Variants in CCDC148 observed in about 807,000 individuals in gnomAD.
CCDC148 encodes coiled-coil domain-containing protein 148.
In CCDC148, 89 loss-of-function variants were observed where a neutral mutation model predicts 85.7. That is an observed-to-expected ratio of 1.04 (90% confidence interval 0.87 to 1.24). The LOEUF is 1.24. Ranked by LOEUF, CCDC148 falls within the 50% of genes most tolerant of loss-of-function variation. The probability of loss-of-function intolerance (pLI) is 0.00; values close to 1 mark genes in which losing one functional copy is unlikely to be tolerated. For missense variants in CCDC148, 692 were observed against 671.7 expected, an observed-to-expected ratio of 1.03 and a Z score of -0.33; for synonymous variants, 230 against 213.9, an observed-to-expected ratio of 1.08 and a Z score of -0.66.
Position 158,313,769 on chromosome 2 carries a change from G to A in CCDC148, c.890C>T (p.Ser297Phe). 1 of 1,613,682 alleles carries A rather than the reference G, an allele frequency of 6.2e-7. No homozygotes were observed. The highest frequency in any genetic ancestry group is 1.3e-5 in the African/African-American group (1 of 75,024). The change falls in exon 8 of 14, where the codon TCT becomes TTT. Residue 297 changes from serine to phenylalanine, a missense_variant. Physicochemically the swap from Ser to Phe is radical, Grantham distance 155 (BLOSUM62 -2). Coordinates refer to ENST00000283233, the MANE Select transcript of CCDC148 (RefSeq NM_138803.4). ...DMLQRYFPHK[S>F]RHDLVEHEKY... ...TCCAGTACTCACCAAATCATGCCTA[G>A]ATTTGTGAGGAAAATATCTTTGTAA...
chr2:158,281,289 G>A (rs939008094), intron 9 of CCDC148, among the ~76,000 whole-genome samples: 2 of 152,078 alleles, frequency 1.3e-5, no homozygotes, highest in African/African-American at 4.8e-5. Flanking sequence ...GAGCAGAACT[G>A]AAGGAAATAG....
intron 11 of CCDC148, among the ~76,000 whole-genome samples, chr2:158,191,559 A>G (rs1263609272): frequency 6.6e-6 from 1 of 151,902 alleles, no homozygotes; most frequent in Non-Finnish European, 1.5e-5. Flanking sequence ...TTCATTAGCT[A>G]AAGTTTTGGC....
chr2:158,355,225 C>T (rs1683561886), intron 2 of CCDC148, among the ~76,000 whole-genome samples: 1 of 152,038 alleles, frequency 6.6e-6, no homozygotes, highest in Non-Finnish European at 1.5e-5. Flanking sequence ...GAAGTTCAGG[C>T]CAGGGCAATT....
chr2:158,226,908 C>T (rs922285308), intron 10 of CCDC148, among the ~76,000 whole-genome samples: 19 of 150,534 alleles, frequency 1.3e-4, no homozygotes, highest in African/African-American at 4.4e-4. Flanking sequence ...GACAGGGATG[C>T]CCTCTCTCAC....
chr2:158,225,073 G>C (rs1027553627), intron 10 of CCDC148, among the ~76,000 whole-genome samples: 2 of 152,154 alleles, frequency 1.3e-5, no homozygotes, highest in Admixed American at 6.6e-5. Context: ...CATGTGAAGA[G>C]ACACACATAG....
chr2:158,373,825 A>G (rs1488607737), intron 1 of CCDC148, among the ~76,000 whole-genome samples: 1 of 151,996 alleles, frequency 6.6e-6, no homozygotes, highest in African/African-American at 2.4e-5. Flanking sequence ...GTGTGGCATT[A>G]TACTACATAT....
intron 1 of CCDC148, among the ~76,000 whole-genome samples, chr2:158,441,918 T>C (rs1469914607): frequency 6.6e-6 from 1 of 152,190 alleles, no homozygotes; most frequent in Non-Finnish European, 1.5e-5. Context: ...ACATATTTGT[T>C]ATGCTCACTC....
chr2:158,285,974 T>C (rs1690605814), intron 9 of CCDC148, among the ~76,000 whole-genome samples: 1 of 152,066 alleles, frequency 6.6e-6, no homozygotes, highest in Non-Finnish European at 1.5e-5. Flanking sequence ...AAGTAAAAGG[T>C]ATAAGCACTG....
At chr2:158,433,908 G>A (rs906465682) in intron 1 of CCDC148, among the ~76,000 whole-genome samples, 8 of 152,226 alleles carry the variant, frequency 5.3e-5, no homozygotes, top group Admixed American at 1.3e-4. Flanking sequence ...ACCGCAAGGC[G>A]GCAGCGAGGC....
intron 9 of CCDC148, among the ~76,000 whole-genome samples, chr2:158,306,499 T>TA (rs1203280258): frequency 6.6e-6 from 1 of 151,844 alleles, no homozygotes; most frequent in South Asian, 2.1e-4. Context: ...TATGCAGCCA[T>TA]AAAAAAGGAT....
intron 1 of CCDC148, among the ~76,000 whole-genome samples, chr2:158,405,925 TATG>T (rs914987266): frequency 3.8e-5 from 5 of 130,916 alleles, no homozygotes; most frequent in African/African-American, 1.1e-4. Context: ...TAAATACAAA[TATG>T]ATGATTCTGG....
chr2:158,416,279 G>A (rs1043832701), intron 1 of CCDC148, among the ~76,000 whole-genome samples: 1 of 152,176 alleles, frequency 6.6e-6, no homozygotes, highest in African/African-American at 2.4e-5. Flanking sequence ...GGGCTGCCAC[G>A]AGGTCTCTGA....
chr2:158,367,481 T>C (rs80278524), intron 1 of CCDC148, among the ~76,000 whole-genome samples: 7,074 of 152,254 alleles, frequency 0.046, 543 homozygotes, highest in African/African-American at 0.16. Context: ...GACTCAAACA[T>C]TGAGGTTCTG....
At chr2:158,399,410 T>C (rs894254624) in intron 1 of CCDC148, among the ~76,000 whole-genome samples, 1 of 152,050 alleles carries the variant, frequency 6.6e-6, no homozygotes, top group Non-Finnish European at 1.5e-5. Flanking sequence ...CAGCAGTACA[T>C]CAAAAAGCTT....
intron 1 of CCDC148, among the ~76,000 whole-genome samples, chr2:158,363,886 A>G (rs1684079121): frequency 6.6e-6 from 1 of 152,220 alleles, no homozygotes; most frequent in African/African-American, 2.4e-5. Context: ...CTCTGTTTGC[A>G]GATGACATGA....
chr2:158,451,949 T>C (rs1024216142), intron 1 of CCDC148, among the ~76,000 whole-genome samples: 1 of 152,098 alleles, frequency 6.6e-6, no homozygotes, highest in Non-Finnish European at 1.5e-5. Flanking sequence ...GGAGTAGGGA[T>C]GATCACAGGA....
At chr2:158,399,558 A>C (rs912049628) in intron 1 of CCDC148, among the ~76,000 whole-genome samples, 1 of 152,086 alleles carries the variant, frequency 6.6e-6, no homozygotes, top group African/African-American at 2.4e-5. Context: ...CAGAAAAGGC[A>C]TTCGACAAAA....
intron 1 of CCDC148, among the ~76,000 whole-genome samples, chr2:158,360,615 A>G (rs1683897114): frequency 6.6e-6 from 1 of 152,192 alleles, no homozygotes; most frequent in Non-Finnish European, 1.5e-5. Context: ...ACAAACAGAA[A>G]GGAATAGCAT....
intron 1 of CCDC148, among the ~76,000 whole-genome samples, chr2:158,386,768 A>C (rs1685103141): frequency 6.6e-6 from 1 of 152,144 alleles, no homozygotes; most frequent in African/African-American, 2.4e-5. Flanking sequence ...TTTCTCCTTC[A>C]GGGATTTTCC....
Sources: allele counts gnomAD v4.1 joint callset (sites outside exome capture counted in the v4.1 genomes callset), GRCh38; gene constraint gnomAD v4.1.1; transcripts MANE v1.5; gene names NCBI Gene and HGNC (gene_info 2026-07-23, HGNC 2026-07-21).